The following ECM2 variants were observed in gnomAD, a reference collection of about 807,000 sequenced individuals.
ECM2 encodes extracellular matrix protein 2.
A neutral mutation model predicts 67.5 loss-of-function variants in ECM2; 57 were observed. The observed-to-expected ratio is 0.84, with a 90% CI of 0.68 to 1.05. The LOEUF is 1.05. Ranked by LOEUF, ECM2 falls within the 50% of genes least tolerant of loss-of-function variation. The probability of loss-of-function intolerance (pLI) is 0.00; values close to 1 mark genes in which losing one functional copy is unlikely to be tolerated. For synonymous variants in ECM2, 258 were observed against 294.5 expected, an observed-to-expected ratio of 0.88 and a Z score of 1.27; for missense variants, 741 against 822.8, an observed-to-expected ratio of 0.90 and a Z score of 1.22.
chr9:92,543,459 G>GAA, the ECM2 span, among the ~76,000 whole-genome samples: 1 of 95,042 alleles, frequency 1.1e-5, no homozygotes, highest in Non-Finnish European at 1.9e-5. Context: ...GTGACAGAGT[G>GAA]AAACCCTGTC....
chr9:92,520,659 G>A (rs1563983356), intron 2 of ECM2, among the ~76,000 whole-genome samples: 1 of 152,252 alleles, frequency 6.6e-6, no homozygotes, highest in East Asian at 1.9e-4. Context: ...TTATATTAAT[G>A]TTCATAGCTG....
At chr9:92,533,430 T>TTC (rs1270300921) in intron 1 of ECM2, among the ~76,000 whole-genome samples, 1 of 147,964 alleles carries the variant, frequency 6.8e-6, no homozygotes, top group Non-Finnish European at 1.5e-5. Flanking sequence ...GTTTGTTTGT[T>TTC]TCTCTCTGTC....
chr9:92,553,622 C>A, the ECM2 span, among the ~76,000 whole-genome samples: 1 of 152,054 alleles, frequency 6.6e-6, no homozygotes, highest in Non-Finnish European at 1.5e-5. Flanking sequence ...GGTCTTTCGA[C>A]TCCTTGGTTA....
chr9:92,505,679 A>G lies in ECM2; in HGVS notation c.1318T>C (p.Leu440=), dbSNP rs897701212. Residue 440 remains leucine (L), a synonymous_variant, in exon 7 of 10, where the codon TTG becomes CTG. Transcript: ENST00000344604. ...TTTCCTTCCAATTCTAAGGTGACCA[A>G]CTGATTTAAGTCTATAAAAAATAAA... The part of the protein sequence containing the change: ...DEESLSDLNQ[L]VTLELEGNNL... 8 of 1,583,610 alleles carry G rather than the reference A, an allele frequency of 5.1e-6. No homozygotes were observed. The East Asian group carries it at 9.0e-5, about 18-fold the overall frequency.
chr9:92,504,274 T>C (rs1459475513), intron 7 of ECM2, among the ~76,000 whole-genome samples: 1 of 152,204 alleles, frequency 6.6e-6, no homozygotes. Flanking sequence ...CTGATAAATG[T>C]CAGTGTTACA....
chr9:92,505,613 G>C lies in ECM2; in HGVS notation c.1384C>G (p.Pro462Ala), dbSNP rs757059926. ...EANVNPLAFK[P>A]LKSLAYLRLG... ...CGCAAGTAGGCTAGGCTCTTCAAAG[G>C]TTTGAAAGCTAAAGGATTGACATTG... The change falls in exon 7 of 10, where the codon CCT becomes GCT. Residue 462 changes from proline (P) to alanine (A), a missense_variant. Physicochemically the swap from Pro to Ala is conservative, Grantham distance 27 (BLOSUM62 -1). Transcript: ENST00000344604. 3 of 1,610,930 alleles carry C rather than the reference G, an allele frequency of 1.9e-6. No individual in the cohort carries two copies. In the African/African-American group the frequency reaches 4.0e-5, roughly 22 times the overall value.
Position 92,514,612 on chromosome 9 carries a change from A to G in ECM2, c.1054+19T>C. ...TTACTTTTAAAGCACAAAATAAAGC[A>G]GAAGTCAACATCTCTTACCAGTGAG... On this transcript the variant is annotated intron_variant, in intron 4 of 9. Coordinates refer to ENST00000344604, the MANE Select transcript of ECM2 (RefSeq NM_001393.4). 1.3e-6 allele frequency: 2 copies of G among 1,543,956 alleles called. No individual in the cohort carries two copies. Among genetic ancestry groups the G allele is most frequent in the South Asian group, 2.5e-5 (2 of 80,040 alleles).
intron 6 of ECM2, among the ~76,000 whole-genome samples, chr9:92,506,526 C>T (rs1847016708): frequency 6.6e-6 from 1 of 152,124 alleles, no homozygotes; most frequent in African/African-American, 2.4e-5. Flanking sequence ...GCCAAAATTC[C>T]CAGATTAGGG....
chr9:92,506,271 A>G (rs1847003292), intron 6 of ECM2, among the ~76,000 whole-genome samples: 1 of 152,236 alleles, frequency 6.6e-6, no homozygotes, highest in Non-Finnish European at 1.5e-5. Context: ...TTCCCATCAT[A>G]GTTACTCACT....
rs1169527356 is a variant in ECM2 at position 92,515,006 on chromosome 9, T to C, written c.679A>G (p.Lys227Glu). The change falls in exon 4 of 10, where the codon AAG becomes GAG. Residue 227 changes from lysine to glutamate, a missense_variant. Coordinates refer to ENST00000344604, the MANE Select transcript of ECM2 (RefSeq NM_001393.4). ...EEVKEEDTEQ[K>E]RETPESRNQG... ...TTTCTAGATTCAGGGGTCTCTCTCT[T>C]TTGCTCTGTATCTTCTTCTTTCACT... The C allele has an allele frequency of 1.9e-6, 3 of 1,614,012 alleles. No homozygotes were observed. The highest frequency in any genetic ancestry group is 2.2e-5 in the East Asian group (1 of 44,902).
intron 1 of ECM2, among the ~76,000 whole-genome samples, chr9:92,534,462 C>T (rs947648858): frequency 6.6e-6 from 1 of 152,180 alleles, no homozygotes; most frequent in Non-Finnish European, 1.5e-5. Context: ...AGCATACAAA[C>T]CTTTCTTCAG....
rs1444635216 is a variant in ECM2, at chr9:92,535,930, T to A, written c.-28+3A>T. 2.1e-6 allele frequency: 1 copy of A among 471,588 alleles called. No homozygotes were observed. Among genetic ancestry groups the A allele is most frequent in the East Asian group, 5.8e-5 (1 of 17,186 alleles). The allele number at this position is 471,588 out of a possible 1,614,324, so 29.2% of individuals were successfully genotyped here. On this transcript the variant is annotated splice_donor_region_variant and intron_variant, in intron 1 of 9. Coordinates refer to ENST00000344604, the MANE Select transcript of ECM2 (RefSeq NM_001393.4). ...AGAAACTTAAAATTTAAAACTTTTT[T>A]ACCTGGAGATCTAAACTAAGTAGGC...
At chr9:92,544,037 T>C in the ECM2 span, among the ~76,000 whole-genome samples, 1 of 152,260 alleles carries the variant, frequency 6.6e-6, no homozygotes, top group African/African-American at 2.4e-5. Flanking sequence ...CTTTCTCTTA[T>C]CTAATTGCTC....
upstream of ECM2, among the ~76,000 whole-genome samples, chr9:92,538,577 C>T (rs1849243838): frequency 6.6e-6 from 1 of 152,194 alleles, no homozygotes; most frequent in Non-Finnish European, 1.5e-5. Context: ...GAGAAGGTTG[C>T]AGAAAACCAA....
At chr9:92,510,378 A>C (rs936090880) in intron 5 of ECM2, among the ~76,000 whole-genome samples, 1 of 152,234 alleles carries the variant, frequency 6.6e-6, no homozygotes, top group African/African-American at 2.4e-5. Context: ...AATAGACAGA[A>C]ATTTTATGAA....
At chr9:92,494,186 C>T (rs756182001), downstream of ECM2, 4 of 1,583,108 alleles carry the variant, frequency 2.5e-6, no homozygotes, top group African/African-American at 2.7e-5. Context: ...ATGAATGAAT[C>T]GTTTAGTATC....
At chr9:92,528,020 GGA>G (rs1588236289) in intron 1 of ECM2, 1 of 152,142 alleles carries the variant, frequency 6.6e-6, no homozygotes, top group East Asian at 2.0e-4. Context: ...TCAGACTTTT[GGA>G]GAGTCTGTGA....
At chr9:92,542,533 C>T in the ECM2 span, among the ~76,000 whole-genome samples, 2 of 150,146 alleles carry the variant, frequency 1.3e-5, no homozygotes, top group Non-Finnish European at 1.5e-5. Context: ...GATGGAGTCT[C>T]GCTCTGTCTC....
chr9:92,505,544 C>G lies in ECM2; in HGVS notation c.1453G>C (p.Gly485Arg), dbSNP rs771702093. Residue 485 changes from glycine (G) to arginine (R), a missense_variant, in exon 7 of 10, where the codon GGT becomes CGT. Physicochemically the swap from Gly to Arg is moderately radical, Grantham distance 125. Coordinates refer to ENST00000344604, the MANE Select transcript of ECM2 (RefSeq NM_001393.4). ...AAATATATTGTTACCTCAATAGAAC[C>G]AGGAAGACCCTGCGGTATAATTCTA... ...KFRIIPQGLP[G>R]SIEELYLENN... 3 of 1,598,284 alleles carry G rather than the reference C, an allele frequency of 1.9e-6. No homozygotes were observed. Among genetic ancestry groups the G allele is most frequent in the Non-Finnish European group, 2.6e-6 (3 of 1,176,030 alleles).
Sources: gnomAD v4.1 joint callset for allele counts (sites outside exome capture counted in the v4.1 genomes callset) on GRCh38, gnomAD v4.1.1 for gene constraint, MANE v1.5 for transcripts, NCBI Gene and HGNC (gene_info 2026-07-23, HGNC 2026-07-21) for gene names.